The following DPYD variants were observed in gnomAD, a reference collection of about 807,000 sequenced individuals.
The protein encoded by DPYD is dihydropyrimidine dehydrogenase [NADP(+)].
DPYD carries 109 observed loss-of-function variants against 116.2 expected under a neutral mutation model. The observed-to-expected ratio is 0.94, with a 90% CI of 0.80 to 1.10. DPYD has a LOEUF of 1.10. DPYD is among the 50% of genes least tolerant of loss of function. The probability of loss-of-function intolerance (pLI) is 0.00; values close to 1 mark genes in which losing one functional copy is unlikely to be tolerated. For missense variants in DPYD, 1,302 were observed against 1,254.5 expected (o/e 1.04, Z -0.57); for synonymous variants, 440 against 432.0 (o/e 1.02, Z -0.23).
chr1:97,184,507 T>C (rs192828553), intron 20 of DPYD, among the ~76,000 whole-genome samples: 10 of 152,282 alleles, frequency 6.6e-5, no homozygotes, highest in Non-Finnish European at 1.5e-4. Context: ...TGCATTTCTC[T>C]AATGATCAGT....
intron 5 of DPYD, among the ~76,000 whole-genome samples, chr1:97,704,828 G>A (rs1425033014): frequency 6.6e-6 from 1 of 151,864 alleles, no homozygotes; most frequent in East Asian, 1.9e-4. Flanking sequence ...AAGTTGAAGG[G>A]TCAACTGCCG....
At chr1:97,164,357 A>T (rs771934011) in intron 20 of DPYD, among the ~76,000 whole-genome samples, 8 of 152,144 alleles carry the variant, frequency 5.3e-5, no homozygotes, top group South Asian at 2.1e-4. Flanking sequence ...TTCCCCTTGA[A>T]AACCAGCACA....
At position 97,892,872 on chromosome 1, in the gene DPYD, C is replaced by T. The variant is rs150037950; in HGVS notation, c.40-9498G>A. 1.7e-4 allele frequency among the ~76,000 whole-genome samples: 26 copies of T among 151,910 alleles called. 1 individual carries two copies. Among genetic ancestry groups the T allele is most frequent in the African/African-American group, 6.3e-4 (26 of 41,528 alleles). On this transcript the variant is annotated intron_variant, in intron 1 of 22. Transcript: ENST00000370192. Reference sequence around the variant, plus strand: ...TGTTAAGTATTCACTAAGCAATATGCATAGTGTTTGAGATTAAATTTGGGT... The same window carrying T: ...TGTTAAGTATTCACTAAGCAATATGTATAGTGTTTGAGATTAAATTTGGGT...
intron 3 of DPYD, among the ~76,000 whole-genome samples, chr1:97,769,641 C>A (rs1666045913): frequency 6.6e-6 from 1 of 152,094 alleles, no homozygotes; most frequent in African/African-American, 2.4e-5. Flanking sequence ...AGAAATATTT[C>A]TGTTAAAATA....
intron 12 of DPYD, among the ~76,000 whole-genome samples, chr1:97,519,712 T>G (rs1243369967): frequency 6.6e-6 from 1 of 152,210 alleles, no homozygotes; most frequent in Non-Finnish European, 1.5e-5. Context: ...GCTCAGTTAC[T>G]GGTAAAGCCA....
intron 13 of DPYD, among the ~76,000 whole-genome samples, chr1:97,492,637 CACAATAAA>C (rs1384494789): frequency 1.6e-4 from 24 of 151,966 alleles, no homozygotes; most frequent in African/African-American, 5.1e-4. Flanking sequence ...AATGAGCATG[CACAATAAA>C]TCATGAAGAG....
chr1:97,617,419 A>C (rs955749209), intron 8 of DPYD, among the ~76,000 whole-genome samples: 17 of 152,224 alleles, frequency 1.1e-4, no homozygotes, highest in Non-Finnish European at 1.8e-4. Context: ...TGTCCTACTC[A>C]TATTTGTAAG....
chr1:97,206,040 C>T (rs771708220), intron 19 of DPYD, among the ~76,000 whole-genome samples: 15 of 151,808 alleles, frequency 9.9e-5, no homozygotes, highest in South Asian at 8.3e-4. Flanking sequence ...TCAGTTTAAC[C>T]CTTTTATGAT....
At chr1:97,645,144 G>A (rs1658181430) in intron 8 of DPYD, among the ~76,000 whole-genome samples, 1 of 151,992 alleles carries the variant, frequency 6.6e-6, no homozygotes, top group African/African-American at 2.4e-5. Flanking sequence ...CATTTAGGTT[G>A]TTTCCATTAC....
chr1:97,660,679 G>A (rs1307832737), intron 8 of DPYD, among the ~76,000 whole-genome samples: 1 of 151,978 alleles, frequency 6.6e-6, no homozygotes, highest in African/African-American at 2.4e-5. Context: ...CCTACTCAAA[G>A]GAGTAAATAA....
At chr1:97,161,869 A>G (rs140468996) in intron 20 of DPYD, among the ~76,000 whole-genome samples, 29,994 of 151,078 alleles carry the variant, frequency 0.2, 3,091 homozygotes, top group East Asian at 0.39. Flanking sequence ...ATGATTTCCA[A>G]TTTCATCCAT....
intron 3 of DPYD, among the ~76,000 whole-genome samples, chr1:97,820,449 A>C (rs1668863381): frequency 6.6e-6 from 1 of 152,208 alleles, no homozygotes; most frequent in Non-Finnish European, 1.5e-5. Flanking sequence ...AAACAATGAC[A>C]TTAAAGCAAT....
intron 4 of DPYD, among the ~76,000 whole-genome samples, chr1:97,739,697 C>T (rs1167622497): frequency 6.6e-6 from 1 of 152,020 alleles, no homozygotes; most frequent in Non-Finnish European, 1.5e-5. Context: ...AGCCTTTGCT[C>T]ATCCTTAAAG....
chr1:97,441,404 G>A (rs951925303), intron 14 of DPYD, among the ~76,000 whole-genome samples: 7 of 151,732 alleles, frequency 4.6e-5, no homozygotes, highest in Admixed American at 6.6e-5. Context: ...CTCTGTTTGC[G>A]TGTGTGTGTG....
chr1:97,751,214 T>A (rs1215537863), intron 3 of DPYD, among the ~76,000 whole-genome samples: 1 of 151,312 alleles, frequency 6.6e-6, no homozygotes, highest in Non-Finnish European at 1.5e-5. Context: ...GAGGAGTTAC[T>A]GGAACCTACT....
chr1:97,525,836 AGAGT>A (rs975331501), intron 12 of DPYD, among the ~76,000 whole-genome samples: 3 of 147,180 alleles, frequency 2.0e-5, no homozygotes, highest in Non-Finnish European at 4.4e-5. Context: ...TCTAGTGGGA[AGAGT>A]AAGTAATTGC....
chr1:97,345,391 T>C (rs1203967797), intron 16 of DPYD, among the ~76,000 whole-genome samples: 1 of 151,058 alleles, frequency 6.6e-6, no homozygotes, highest in African/African-American at 2.4e-5. Flanking sequence ...CTCTACATTT[T>C]TGTATACCCT....
chr1:97,720,534 C>T, intron 5 of DPYD: 1 of 1,023,624 alleles, frequency 9.8e-7, no homozygotes. Flanking sequence ...TTTTCTTATT[C>T]CCAGGAGCTC....
At chr1:97,121,954 C>T (rs955788739) in intron 20 of DPYD, among the ~76,000 whole-genome samples, 3 of 152,096 alleles carry the variant, frequency 2.0e-5, no homozygotes, top group Non-Finnish European at 2.9e-5. Context: ...GGGAAGTTTA[C>T]ATACATGTTT....
Sources: gnomAD v4.1 joint callset for allele counts (sites outside exome capture counted in the v4.1 genomes callset) on GRCh38, gnomAD v4.1.1 for gene constraint, MANE v1.5 for transcripts, NCBI Gene and HGNC (gene_info 2026-07-23, HGNC 2026-07-21) for gene names.